The following RASA2 variants were observed in gnomAD, a reference collection of about 807,000 sequenced individuals.
RASA2 encodes ras GTPase-activating protein 2.
In RASA2, 155 loss-of-function variants were observed where a neutral mutation model predicts 118.2. That is an observed-to-expected ratio of 1.31 (90% CI 1.15 to 1.50). The LOEUF (loss-of-function observed/expected upper bound fraction) is 1.50, where lower values mean the gene tolerates loss of function less well. Ranked by LOEUF, RASA2 falls within the 40% of genes most tolerant of loss-of-function variation. RASA2 has a pLI of 0.00. For missense variants in RASA2, 1,016 were observed against 1,009.6 expected (o/e 1.01, Z -0.09); for synonymous variants, 353 against 349.1 (o/e 1.01, Z -0.12).
At chr3:141,489,956 T>C (rs2081620443) in intron 1 of RASA2, among the ~76,000 whole-genome samples, 1 of 151,018 alleles carries the variant, frequency 6.6e-6, no homozygotes, top group Non-Finnish European at 1.5e-5. Flanking sequence ...CCTTTTTTGC[T>C]TGAGTGTACT....
chr3:141,535,036 G>A (rs1221870799), intron 4 of RASA2, among the ~76,000 whole-genome samples: 4 of 151,968 alleles, frequency 2.6e-5, no homozygotes, highest in South Asian at 4.1e-4. Context: ...TCACTGTGTC[G>A]TGCTTCACAG....
rs112163662 is a variant in RASA2 at position 141,524,292 on chromosome 3, C to G, written c.356-5416C>G. Among the ~76,000 whole-genome samples the G allele has an allele frequency of 7.1e-3, 1,082 of 152,156 alleles. 15 individuals carry two copies. The highest frequency in any genetic ancestry group is 0.025 in the African/African-American group (1,037 of 41,504). ...CTGATTGGTTCTAAGAAGGCAAGCC[C>G]TAATGCAAAGGTGTGTCACATTTGC... On this transcript the variant is annotated intron_variant, in intron 3 of 23. Coordinates refer to ENST00000286364, the MANE Select transcript of RASA2 (RefSeq NM_006506.5).
At chr3:141,562,292 A>T (rs142256888) in intron 9 of RASA2, among the ~76,000 whole-genome samples, 24 of 151,076 alleles carry the variant, frequency 1.6e-4, no homozygotes, top group African/African-American at 5.1e-4. Context: ...TGAATTTAGA[A>T]AATATAACAA....
At position 141,614,300 on chromosome 3, in the gene RASA2, T is replaced by C. The variant is rs1004668360; in HGVS notation, c.*1987T>C. ...CAGCCATCTAGTTCTTTTCTTCACA[T>C]GACACTTTTAAACAGCCAGTTTGAC... On this transcript the variant is annotated 3_prime_UTR_variant, in exon 24 of 24. Transcript: ENST00000286364. 1.4e-4 allele frequency: 21 copies of C among 152,188 alleles called. No homozygotes were observed. Among genetic ancestry groups the C allele is most frequent in the Admixed American group, 1.4e-3 (21 of 15,274 alleles). The allele number at this position is 152,188 out of a possible 1,614,324, so 9.4% of individuals were successfully genotyped here.
chr3:141,503,756 T>C (rs2081820737), intron 1 of RASA2, among the ~76,000 whole-genome samples: 1 of 152,204 alleles, frequency 6.6e-6, no homozygotes, highest in African/African-American at 2.4e-5. Flanking sequence ...TTTTGTCTGT[T>C]TTGCTCACTG....
At chr3:141,523,887 A>G (rs1302409071) in intron 3 of RASA2, among the ~76,000 whole-genome samples, 1 of 152,240 alleles carries the variant, frequency 6.6e-6, no homozygotes, top group Non-Finnish European at 1.5e-5. Flanking sequence ...TGGTTCATCC[A>G]TAAAATAAGA....
chr3:141,519,689 A>C (rs547588603), intron 3 of RASA2, among the ~76,000 whole-genome samples: 154 of 152,246 alleles, frequency 1.0e-3, no homozygotes, highest in Non-Finnish European at 2.1e-3. Context: ...TCTTATATGC[A>C]GACTCTTCTG....
chr3:141,580,082 AAAAAT>A (rs1478385244), intron 15 of RASA2, among the ~76,000 whole-genome samples: 38 of 101,384 alleles, frequency 3.7e-4, no homozygotes, highest in Middle Eastern at 5.4e-3. Flanking sequence ...AAAAAAAAAA[AAAAAT>A]ATATATATAT....
At chr3:141,608,748 A>G (rs769685856) in intron 21 of RASA2, 51 bp downstream of exon 21, 5 of 1,529,242 alleles carry the variant, frequency 3.3e-6, no homozygotes. Context: ...TGATATATCC[A>G]TGCAATGTTA....
chr3:141,571,768 T>G (rs2082923998), intron 11 of RASA2, among the ~76,000 whole-genome samples: 1 of 152,138 alleles, frequency 6.6e-6, no homozygotes, highest in African/African-American at 2.4e-5. Flanking sequence ...ATGTTTTTCT[T>G]TAACTCAGGA....
intron 9 of RASA2, among the ~76,000 whole-genome samples, chr3:141,569,047 A>T (rs1307802144): frequency 6.6e-6 from 1 of 152,142 alleles, no homozygotes; most frequent in Non-Finnish European, 1.5e-5. Context: ...AATAAAAGAC[A>T]TATATAATAC....
At chr3:141,563,264 T>C (rs1382341235) in intron 9 of RASA2, among the ~76,000 whole-genome samples, 3 of 152,192 alleles carry the variant, frequency 2.0e-5, no homozygotes, top group Non-Finnish European at 4.4e-5. Context: ...CAAACGGAAA[T>C]ATTTCATTCA....
At position 141,571,460 on chromosome 3, in the gene RASA2, GAT is replaced by G; in HGVS notation, c.1076_1077del (p.Asp359GlyfsTer13). 6.2e-7 allele frequency: 1 copy of G among 1,613,646 alleles called. No homozygotes were observed. ...GAGTGAAATATGTCGAGATAAAAAT[GAT>G]GCTGTTTTGCCCCTTGTACGACTGC... ...ILSEICRDKN[D>X]AVLPLVRLLL... On this transcript the variant is annotated frameshift_variant, in exon 11 of 24. Coordinates refer to ENST00000286364, the MANE Select transcript of RASA2 (RefSeq NM_006506.5). LOFTEE classifies it high-confidence loss of function.
At chr3:141,490,739 G>A (rs1251128867) in intron 1 of RASA2, among the ~76,000 whole-genome samples, 1 of 152,210 alleles carries the variant, frequency 6.6e-6, no homozygotes, top group Non-Finnish European at 1.5e-5. Flanking sequence ...CTTGAGCTTA[G>A]AGGCTGGGTG....
At chr3:141,575,513 A>G (rs1351410423) in intron 14 of RASA2, among the ~76,000 whole-genome samples, 2 of 152,194 alleles carry the variant, frequency 1.3e-5, no homozygotes, top group East Asian at 1.9e-4. Context: ...GTTAGCCTCC[A>G]TTGTCTCCTG....
At chr3:141,487,286 G>A in intron 1 of RASA2, 70 bp downstream of exon 1, 1 of 1,206,084 alleles carries the variant, frequency 8.3e-7, no homozygotes, top group Non-Finnish European at 1.0e-6. Flanking sequence ...CGGCGGGTTC[G>A]CGGCGGTGGC....
chr3:141,490,466 C>T (rs937103621), intron 1 of RASA2, among the ~76,000 whole-genome samples: 19 of 151,844 alleles, frequency 1.3e-4, no homozygotes, highest in African/African-American at 4.6e-4. Flanking sequence ...TAAGTTTCCT[C>T]TTATCCAATT....
At chr3:141,601,509 G>A (rs77603484) in intron 19 of RASA2, among the ~76,000 whole-genome samples, 114 of 151,864 alleles carry the variant, frequency 7.5e-4, no homozygotes, top group African/African-American at 2.6e-3. Flanking sequence ...AAATATCTTC[G>A]AAACCATGAT....
chr3:141,584,282 G>C (rs1345963059), intron 17 of RASA2, among the ~76,000 whole-genome samples: 3 of 126,352 alleles, frequency 2.4e-5, no homozygotes, highest in Non-Finnish European at 4.7e-5. Context: ...AGTGAGCCGA[G>C]ATCGCACCAT....
Sources: gnomAD v4.1 joint callset for allele counts (sites outside exome capture counted in the v4.1 genomes callset) on GRCh38, gnomAD v4.1.1 for gene constraint, MANE v1.5 for transcripts, NCBI Gene and HGNC (gene_info 2026-07-23, HGNC 2026-07-21) for gene names.